Variants in SEC24B observed in about 807,000 individuals in gnomAD.
SEC24B encodes SEC24 homolog B, COPII component.
In SEC24B, 45 loss-of-function variants were observed where a neutral mutation model predicts 142.8. The ratio of observed to expected loss-of-function variants is 0.32; its 90% confidence interval spans 0.25 to 0.40. The LOEUF (loss-of-function observed/expected upper bound fraction) is 0.40. Among genes scored for constraint, SEC24B ranks in the 10% least tolerant of loss-of-function variants. SEC24B has a pLI of 1.00. For missense variants in SEC24B, 1,409 were observed against 1,526.8 expected (o/e 0.92, Z 1.29); for synonymous variants, 574 against 568.2 (o/e 1.01, Z -0.15).
chr4:109,529,429 A>G (rs1481473744), intron 18 of SEC24B, among the ~76,000 whole-genome samples: 2 of 152,080 alleles, frequency 1.3e-5, no homozygotes, highest in African/African-American at 2.4e-5. Context: ...GTGCTTGGGC[A>G]TATATATTAT....
intron 3 of SEC24B, among the ~76,000 whole-genome samples, chr4:109,480,778 C>T (rs1733660422): frequency 6.6e-6 from 1 of 152,168 alleles, no homozygotes; most frequent in African/African-American, 2.4e-5. Context: ...CATGCCCGGC[C>T]TTCATTTTCA....
At chr4:109,517,775 A>T (rs776696671) in intron 11 of SEC24B, among the ~76,000 whole-genome samples, 1 of 152,144 alleles carries the variant, frequency 6.6e-6, no homozygotes, top group South Asian at 2.1e-4. Context: ...TTTTAAAAAG[A>T]ATCTGGATGA....
At chr4:109,477,100 G>C (rs551723091) in intron 3 of SEC24B, among the ~76,000 whole-genome samples, 74 of 137,548 alleles carry the variant, frequency 5.4e-4, no homozygotes, top group Middle Eastern at 4.2e-3. Flanking sequence ...TCCCGCCACT[G>C]CACTCCAGCC....
rs768243240 is a variant in SEC24B at position 109,513,783 on chromosome 4, C to A, written c.1940C>A (p.Ser647Tyr). The A allele has an allele frequency of 1.2e-6, 2 of 1,612,976 alleles. No individual in the cohort carries two copies. Among genetic ancestry groups the A allele is most frequent in the African/African-American group, 2.7e-5 (2 of 74,894 alleles). The change falls in exon 10 of 24, where the codon TCT becomes TAT. Residue 647 changes from serine to tyrosine, a missense_variant. This residue lies in a region of SEC24B where 700 missense variants were observed against 853.3 expected (regional missense o/e 0.82). Transcript: ENST00000265175. Reference sequence around the variant, plus strand: ...TTTATGTATAACCCCCTTACCCGATCTTATGGAGAGCCTCATAAACGACCA... The same window carrying A: ...TTTATGTATAACCCCCTTACCCGATATTATGGAGAGCCTCATAAACGACCA... Reference protein sequence around the residue: ...EEFMYNPLTRSYGEPHKRPEV... With the variant: ...EEFMYNPLTRYYGEPHKRPEV...
chr4:109,506,726 G>T (rs569187006), intron 7 of SEC24B, among the ~76,000 whole-genome samples: 13 of 151,988 alleles, frequency 8.6e-5, no homozygotes, highest in Non-Finnish European at 1.6e-4. Context: ...ATCACCTAAT[G>T]TTAGGGAAAT....
At position 109,480,228 on chromosome 4, in the gene SEC24B, C is replaced by T. The variant is rs1180129978; in HGVS notation, c.1061-1449C>T. On this transcript the variant is annotated intron_variant, in intron 3 of 23. Coordinates refer to ENST00000265175, the MANE Select transcript of SEC24B (RefSeq NM_006323.5). ...TATTCTTAATAGTTTTTTTCTTACT[C>T]TAGTGATGAGTTGTTTATCCATGCT... Among the ~76,000 whole-genome samples, 3 of 151,042 alleles carry T rather than the reference C, an allele frequency of 2.0e-5. No individual in the cohort carries two copies. In the East Asian group the frequency reaches 5.8e-4, roughly 29 times the overall value.
At chr4:109,501,800 TTC>T (rs1736182273) in intron 6 of SEC24B, among the ~76,000 whole-genome samples, 1 of 152,190 alleles carries the variant, frequency 6.6e-6, no homozygotes, top group Non-Finnish European at 1.5e-5. Flanking sequence ...ACTTTAGAAT[TTC>T]TCTCTACTCA....
chr4:109,493,504 A>G (rs778271268), intron 5 of SEC24B, among the ~76,000 whole-genome samples: 1 of 152,086 alleles, frequency 6.6e-6, no homozygotes, highest in Non-Finnish European at 1.5e-5. Flanking sequence ...AGTTTTCTGC[A>G]GTTTTTTTGT....
At position 109,531,415 on chromosome 4, in the gene SEC24B, C is replaced by A. The variant is rs1422410281; in HGVS notation, c.3283C>A (p.Leu1095Met). 6.2e-7 allele frequency: 1 copy of A among 1,613,432 alleles called. No individual in the cohort carries two copies. Among genetic ancestry groups the A allele is most frequent in the Non-Finnish European group, 8.5e-7 (1 of 1,179,466 alleles). The change falls in exon 20 of 24, where the codon CTG (leucine) becomes ATG (methionine). Residue 1095 changes from leucine to methionine, a missense_variant. Around this residue, in one of 2 missense-constraint regions of SEC24B, gnomAD observed 700 missense variants for 853.3 expected, o/e 0.82. Transcript: ENST00000265175. ...ATTTAGAACGGGTACAAGCACACGG[C>A]TGGATGATCGTGTATATGCCATGTG... Reference protein sequence around the residue: ...KAFRTGTSTRLDDRVYAMCQI... With the variant: ...KAFRTGTSTRMDDRVYAMCQI...
At chr4:109,438,485 TA>T (rs892858860) in intron 1 of SEC24B, among the ~76,000 whole-genome samples, 3 of 151,800 alleles carry the variant, frequency 2.0e-5, no homozygotes, top group Admixed American at 1.3e-4. Flanking sequence ...AGCTAACTTT[TA>T]AAAAAAAATT....
chr4:109,504,384 T>TG (rs1262024798), intron 6 of SEC24B, among the ~76,000 whole-genome samples: 1 of 152,220 alleles, frequency 6.6e-6, no homozygotes, highest in Non-Finnish European at 1.5e-5. Context: ...TGTTAATTCT[T>TG]GTTTTAATTT....
At chr4:109,491,539 A>G (rs1022229616) in intron 5 of SEC24B, 132 bp downstream of exon 5, 11 of 601,790 alleles carry the variant, frequency 1.8e-5, no homozygotes, top group Admixed American at 9.0e-5. Flanking sequence ...TTTTTCTGGC[A>G]CTTCTCAGCC....
chr4:109,483,056 TTA>T (rs1271937576), intron 4 of SEC24B, among the ~76,000 whole-genome samples: 75 of 97,860 alleles, frequency 7.7e-4, no homozygotes, highest in African/African-American at 4.6e-3. Flanking sequence ...ATTTATGTAT[TTA>T]TATATATATA....
At chr4:109,515,345 C>T (rs1383975784) in intron 10 of SEC24B, among the ~76,000 whole-genome samples, 1 of 152,200 alleles carries the variant, frequency 6.6e-6, no homozygotes, top group Non-Finnish European at 1.5e-5. Flanking sequence ...TCGTAATCCA[C>T]CGGCCTCAGC....
chr4:109,519,874 GTACTTAGTA>G (rs1177376407), intron 11 of SEC24B, among the ~76,000 whole-genome samples: 3 of 152,190 alleles, frequency 2.0e-5, no homozygotes, highest in Non-Finnish European at 4.4e-5. Flanking sequence ...ATAGTTGGTA[GTACTTAGTA>G]ATATGCTTCT....
chr4:109,518,803 C>CT (rs770507485), intron 11 of SEC24B, among the ~76,000 whole-genome samples: 9,097 of 117,804 alleles, frequency 0.077, 711 homozygotes, highest in African/African-American at 0.17. Flanking sequence ...ATGTTTCTGT[C>CT]TTTTTTTTTT....
chr4:109,433,836 C>G lies in SEC24B; in HGVS notation c.-34C>G, dbSNP rs1463332273. On this transcript the variant is annotated 5_prime_UTR_variant, in exon 1 of 24. Transcript: ENST00000265175. ...CCTTCCCTTCCCTCCGCCCACCTCCCTGAAGCGGAGCCGCCGTCGCCACCA... is the reference window on the plus strand; with the variant it reads ...CCTTCCCTTCCCTCCGCCCACCTCCGTGAAGCGGAGCCGCCGTCGCCACCA... The G allele has an allele frequency of 3.9e-6, 5 of 1,274,268 alleles. No homozygotes were observed. 78.9% of individuals were successfully genotyped at this position (1,274,268 alleles called of 1,614,324 possible).
chr4:109,508,257 C>T (rs971775653), intron 7 of SEC24B, among the ~76,000 whole-genome samples: 2 of 152,052 alleles, frequency 1.3e-5, no homozygotes, highest in Admixed American at 1.3e-4. Context: ...GTTAGGTACC[C>T]CCTACGTAGG....
intron 1 of SEC24B, among the ~76,000 whole-genome samples, chr4:109,438,577 G>A (rs781488472): frequency 1.3e-5 from 2 of 152,214 alleles, no homozygotes; most frequent in Non-Finnish European, 2.9e-5. Context: ...ACAGGCATGA[G>A]CCACCATGCC....
Sources: allele counts gnomAD v4.1 joint callset (sites outside exome capture counted in the v4.1 genomes callset), GRCh38; gene constraint gnomAD v4.1.1; regional missense constraint gnomAD v4.1.1; transcripts MANE v1.5; gene names NCBI Gene and HGNC (gene_info 2026-07-23, HGNC 2026-07-21).